The following ALG3 variants were observed in gnomAD, a reference collection of about 807,000 sequenced individuals.
ALG3 encodes ALG3 alpha-1,3- mannosyltransferase, also known as dol-P-Man:Man(5)GlcNAc(2)-PP-Dol alpha-1,3-mannosyltransferase.
ALG3 carries 39 observed loss-of-function variants against 50.5 expected under a neutral mutation model. That is an observed-to-expected ratio of 0.77 (90% confidence interval 0.60 to 1.01). The LOEUF (loss-of-function observed/expected upper bound fraction) is 1.01, where lower values mean the gene tolerates loss of function less well. ALG3 is among the 50% of genes least tolerant of loss of function. ALG3 has a pLI of 0.00. For missense variants in ALG3, 520 were observed against 554.8 expected (o/e 0.94, Z 0.63); for synonymous variants, 252 against 237.2 (o/e 1.06, Z -0.58).
upstream of ALG3, chr3:184,249,336 C>T: frequency 6.5e-7 from 1 of 1,532,456 alleles, no homozygotes; most frequent in Non-Finnish European, 8.9e-7. Context: ...CTCCTGCCTG[C>T]CCTTCGAGCC....
intron 1 of ALG3, among the ~76,000 whole-genome samples, chr3:184,248,512 G>C (rs567510330): frequency 1.3e-5 from 2 of 152,340 alleles, no homozygotes; most frequent in South Asian, 2.1e-4. Context: ...TTTGCAGGCT[G>C]TAAGTTCAGT....
chr3:184,249,173 T>C, upstream of ALG3: 2 of 1,592,098 alleles, frequency 1.3e-6, no homozygotes, highest in Non-Finnish European at 1.7e-6. Context: ...CAGCCCTGGG[T>C]ACACAGGCGC....
At position 184,244,170 on chromosome 3, in the gene ALG3, G is replaced by C. The variant is rs560072375; in HGVS notation, c.727-174C>G. Among the ~76,000 whole-genome samples the C allele has an allele frequency of 8.5e-5, 13 of 152,310 alleles. 1 individual carries two copies. In the South Asian group the frequency reaches 1.7e-3, roughly 19 times the overall value. ...ACCCCCCGGCCCAGGCCAGTGCCTG[G>C]GGCCAAAGAAGCTCAGGAGGCAGGT... On this transcript the variant is annotated intron_variant, in intron 5 of 8. Transcript: ENST00000397676.
chr3:184,242,647 G>A lies in ALG3; in HGVS notation c.1184C>T (p.Ser395Phe). 2 of 1,564,006 alleles carry A rather than the reference G, an allele frequency of 1.3e-6. No homozygotes were observed. Among genetic ancestry groups the A allele is most frequent in the East Asian group, 2.3e-5 (1 of 44,376 alleles). ...RLLVLGLIEL[S>F]WNTYPSTSCS... The stretch of plus-strand genomic sequence containing the variant: ...GGATGTGGAAGGGTATGTGTTCCAG[G>A]AGAGCTCGATGAGCCCCAGCACCAA... Residue 395 changes from serine to phenylalanine, a missense_variant, in exon 9 of 9, where the codon TCC becomes TTC. Around this residue, in one of 3 missense-constraint regions of ALG3, gnomAD observed 224 missense variants for 272.8 expected, o/e 0.82. Transcript: ENST00000397676.
At position 184,243,924 on chromosome 3, in the gene ALG3, G is replaced by C. The variant is rs528154210; in HGVS notation, c.799C>G (p.Gln267Glu). ...TTCACTGTCCAGTGGAACAGAAACTGGCGGCCAAGGTCAAAGGAGCGGGAC... is the reference window on the plus strand; with the variant it reads ...TTCACTGTCCAGTGGAACAGAAACTCGCGGCCAAGGTCAAAGGAGCGGGAC... ...YLSRSFDLGR[Q>E]FLFHWTVNWR... The change falls in exon 6 of 9, where the codon CAG becomes GAG. Residue 267 changes from glutamine to glutamate, a missense_variant. By Grantham distance (29) the Gln-to-Glu change is conservative (BLOSUM62 2). Coordinates refer to ENST00000397676, the MANE Select transcript of ALG3 (RefSeq NM_005787.6). 1.9e-6 allele frequency: 3 copies of C among 1,613,950 alleles called. No individual in the cohort carries two copies. Among genetic ancestry groups the C allele is most frequent in the Non-Finnish European group, 2.5e-6 (3 of 1,179,884 alleles).
chr3:184,246,677 C>G (rs1234858943), intron 1 of ALG3, among the ~76,000 whole-genome samples: 1 of 147,126 alleles, frequency 6.8e-6, no homozygotes, highest in Non-Finnish European at 1.5e-5. Context: ...ACCAGGCTGT[C>G]TTCTTTTTTT....
Position 184,244,977 on chromosome 3 carries a change from A to C in ALG3, c.605+221T>G, listed in dbSNP as rs1462135964. 8 of 770,210 alleles carry C rather than the reference A, an allele frequency of 1.0e-5. No homozygotes were observed. The East Asian group carries it at 2.1e-4, about 21-fold the overall frequency. The allele number at this position is 770,210 out of a possible 1,614,324, so 47.7% of individuals were successfully genotyped here. On this transcript the variant is annotated intron_variant, in intron 4 of 8. Coordinates refer to ENST00000397676, the MANE Select transcript of ALG3 (RefSeq NM_005787.6). Reference sequence around the variant, plus strand: ...TTTAGAATGTGAAGGACTAATTCCAACAAGGAATGCTGTCTGGGAGGAAGA... The same window carrying C: ...TTTAGAATGTGAAGGACTAATTCCACCAAGGAATGCTGTCTGGGAGGAAGA...
intron 5 of ALG3, 153 bp downstream of exon 5, chr3:184,244,448 T>C (rs1719016761): frequency 1.1e-6 from 1 of 944,206 alleles, no homozygotes; most frequent in Non-Finnish European, 1.5e-6. Context: ...TTTACAGCTA[T>C]GGAAACTACA....
intron 5 of ALG3, 30 bp from the exon 6 acceptor site, chr3:184,244,026 G>T: frequency 1.3e-6 from 2 of 1,598,238 alleles, no homozygotes; most frequent in South Asian, 1.1e-5. Flanking sequence ...CAGCAGAGCT[G>T]CCAAGGCTCA....
intron 4 of ALG3, 69 bp from the exon 5 acceptor site, chr3:184,244,790 T>C (rs1028190457): frequency 1.4e-5 from 21 of 1,536,552 alleles, no homozygotes; most frequent in African/African-American, 5.6e-5. Flanking sequence ...CCCAAAGACA[T>C]ACCCCCCACC....
At chr3:184,244,147 C>T (rs1461737056) in intron 5 of ALG3, among the ~76,000 whole-genome samples, 151 bp from the exon 6 acceptor site, 1 of 152,212 alleles carries the variant, frequency 6.6e-6, no homozygotes, top group African/African-American at 2.4e-5. Flanking sequence ...CGTTCCCCAC[C>T]CCCCGGCCCA....
rs201855958 is a variant in ALG3, at chr3:184,245,191, T to C, written c.605+7A>G. The C allele has an allele frequency of 1.4e-5, 22 of 1,613,222 alleles. No individual in the cohort carries two copies. The highest frequency in any genetic ancestry group is 6.7e-5 in the Admixed American group (4 of 59,940). ...CGAGAGGGGACCAGAAAGGAAGAGGTGTTGACCTGAAAAAGCAGCAACCCC... is the reference window on the plus strand; with the variant it reads ...CGAGAGGGGACCAGAAAGGAAGAGGCGTTGACCTGAAAAAGCAGCAACCCC... On this transcript the variant is annotated splice_region_variant and intron_variant, in intron 4 of 8. Coordinates refer to ENST00000397676, the MANE Select transcript of ALG3 (RefSeq NM_005787.6).
At chr3:184,245,692 G>C (rs1034006763) in intron 2 of ALG3, 21 bp downstream of exon 2, 3 of 1,610,602 alleles carry the variant, frequency 1.9e-6, no homozygotes, top group Non-Finnish European at 2.5e-6. Context: ...CATCCTCCCT[G>C]AACTTCCTGT....
In ALG3 at chr3:184,248,815, C is replaced by G. The variant is rs903841235; in HGVS notation, c.126G>C (p.Thr42=). ...GGCAGAGGCAGGCGGCCACCAGCAG[C>G]GTGTAGCGCGGCTCCCGCAGCAGCA... ...RRLLLREPRY[T]LLVAACLCLA... Residue 42 remains threonine, a synonymous_variant, in exon 1 of 9, where the codon ACG becomes ACC. Transcript: ENST00000397676. 2 of 1,607,888 alleles carry G rather than the reference C, an allele frequency of 1.2e-6. No individual in the cohort carries two copies. Among genetic ancestry groups the G allele is most frequent in the Non-Finnish European group, 1.7e-6 (2 of 1,176,914 alleles).
upstream of ALG3, chr3:184,249,410 T>C (rs1039907041): frequency 5.1e-5 from 54 of 1,061,554 alleles, no homozygotes; most frequent in East Asian, 1.3e-3. Flanking sequence ...AAGTCATTCA[T>C]ATTGAAAATA....
intron 1 of ALG3, among the ~76,000 whole-genome samples, chr3:184,246,589 C>T (rs1169918346): frequency 1.3e-5 from 2 of 152,136 alleles, no homozygotes; most frequent in Non-Finnish European, 2.9e-5. Flanking sequence ...TCAGTTTCTG[C>T]ATTCCCATCT....
chr3:184,243,448 G>C, intron 7 of ALG3, 106 bp downstream of exon 7: 1 of 980,938 alleles, frequency 1.0e-6, no homozygotes, highest in Non-Finnish European at 1.6e-6. Flanking sequence ...CTATGATTGG[G>C]GTCCCCTTTC....
Position 184,245,251 on chromosome 3 carries a change from G to A in ALG3, c.552C>T (p.Leu184=). Residue 184 remains leucine, a synonymous_variant, in exon 4 of 9, where the codon CTC becomes CTT. Coordinates refer to ENST00000397676, the MANE Select transcript of ALG3 (RefSeq NM_005787.6). ...NDPVAMVLLF[L]SINLLLAQRW... ...GCTGGGCCAGCAGGAGGTTGATACTGAGGAAGAGCAGCACCATGGCCACTG... is the reference window on the plus strand; with the variant it reads ...GCTGGGCCAGCAGGAGGTTGATACTAAGGAAGAGCAGCACCATGGCCACTG... 6.2e-7 allele frequency: 1 copy of A among 1,613,928 alleles called. No individual in the cohort carries two copies. Among genetic ancestry groups the A allele is most frequent in the Non-Finnish European group, 8.5e-7 (1 of 1,179,870 alleles).
rs745564433 is a variant in ALG3 at position 184,243,539 on chromosome 3, C to A, written c.1009+15G>T. ...AGAGAGGGCAAGACTTACCTTCCCA[C>A]AATTTAAAGGATATGGTTGGGTGTA... On this transcript the variant is annotated intron_variant, in intron 7 of 8. Coordinates refer to ENST00000397676, the MANE Select transcript of ALG3 (RefSeq NM_005787.6). The A allele has an allele frequency of 1.2e-6, 2 of 1,613,468 alleles. No individual in the cohort carries two copies. The highest frequency in any genetic ancestry group is 2.2e-5 in the South Asian group (2 of 91,016).
Sources: allele counts gnomAD v4.1 joint callset (sites outside exome capture counted in the v4.1 genomes callset), GRCh38; gene constraint gnomAD v4.1.1; regional missense constraint gnomAD v4.1.1; transcripts MANE v1.5; gene names NCBI Gene and HGNC (gene_info 2026-07-23, HGNC 2026-07-21).